Variants in ENDOG observed in about 807,000 individuals in gnomAD.
The protein encoded by ENDOG is endonuclease G, mitochondrial.
Under a neutral mutation model 22.6 loss-of-function variants are expected in ENDOG, and 22 were observed. That is an observed-to-expected ratio of 0.97 (90% CI 0.70 to 1.39). ENDOG has a LOEUF of 1.39. Among genes scored for constraint, ENDOG ranks in the 40% most tolerant of loss-of-function variants. The pLI, the probability that ENDOG is intolerant of heterozygous loss-of-function variation, is 0.00. For synonymous variants in ENDOG, 173 were observed against 200.2 expected (o/e 0.86, Z 1.15); for missense variants, 403 against 431.3 (o/e 0.93, Z 0.58).
At chr9:128,820,491 C>T (rs1288446801) in intron 1 of ENDOG, 1 of 505,052 alleles carries the variant, frequency 2.0e-6, no homozygotes, top group Non-Finnish European at 3.6e-6. Context: ...GCTCTTCCTT[C>T]ATTCGACTCT....
intron 1 of ENDOG, 27 bp from the exon 2 acceptor site, chr9:128,820,712 C>T (rs370039126): frequency 6.3e-7 from 1 of 1,582,414 alleles, no homozygotes; most frequent in South Asian, 1.1e-5. Flanking sequence ...CAGCCACAGT[C>T]CTGCTAAGCC....
intron 2 of ENDOG, 105 bp downstream of exon 2, chr9:128,820,953 C>T (rs1830101379): frequency 2.0e-6 from 2 of 997,048 alleles, no homozygotes; most frequent in South Asian, 1.5e-5. Flanking sequence ...ATACCAGTTC[C>T]CTACTCATCT....
Position 128,819,030 on chromosome 9 carries a change from C to A in ENDOG, c.346C>A (p.Arg116Ser), listed in dbSNP as rs1328754703. The change falls in exon 1 of 3, where the codon CGC becomes AGC. Residue 116 changes from arginine (R) to serine (S), a missense_variant. Physicochemically the swap from Arg to Ser is moderately radical, Grantham distance 110. Transcript: ENST00000372642. ...CGGCGACCGGCGCGAGTGCGACTTC[C>A]GCGAGGACGACTCGGTGCACGCGTA... is the stretch of plus-strand genomic sequence containing the variant. ...GDGDRRECDF[R>S]EDDSVHAYHR... 1 of 1,495,468 alleles carries A rather than the reference C, an allele frequency of 6.7e-7. No homozygotes were observed. The allele number at this position is 1,495,468 out of a possible 1,614,324, so 92.6% of individuals were successfully genotyped here. A position where few individuals can be genotyped will look rare whatever the true frequency, so the allele number is the denominator to read the frequency against.
chr9:128,820,831 G>A lies in ENDOG; in HGVS notation c.594G>A (p.Gly198=). The stretch of plus-strand genomic sequence containing the variant: ...ACCAAAACGTCTATGTCTGCACAGG[G>A]CCACTCTTCCTGCCCAGGTAAGGTG... ...RSYQNVYVCT[G]PLFLPRTEAD... The change falls in exon 2 of 3, where the codon GGG becomes GGA. Residue 198 remains glycine, a synonymous_variant. Transcript: ENST00000372642. The A allele has an allele frequency of 6.2e-7, 1 of 1,610,022 alleles. No individual in the cohort carries two copies. Among genetic ancestry groups the A allele is most frequent in the Middle Eastern group, 1.7e-4 (1 of 6,056 alleles).
chr9:128,819,226 G>A (rs1232693699), intron 1 of ENDOG, 41 bp downstream of exon 1: 2 of 1,422,192 alleles, frequency 1.4e-6, no homozygotes, highest in Non-Finnish European at 9.1e-7. Context: ...ATGCGGGGCC[G>A]GCGCCTGGCC....
chr9:128,821,157 C>T (rs1032880392), intron 2 of ENDOG: 4 of 411,378 alleles, frequency 9.7e-6, no homozygotes, highest in Admixed American at 3.7e-5. Flanking sequence ...ATATGGAACC[C>T]CCCGCAGGTC....
intron 1 of ENDOG, chr9:128,819,689 T>A (rs1830067298): frequency 6.4e-6 from 1 of 155,788 alleles, no homozygotes; most frequent in African/African-American, 2.4e-5. Flanking sequence ...ATTATTACAT[T>A]GTAACATATA....
chr9:128,822,294 C>A (rs770275764), intron 2 of ENDOG, 34 bp from the exon 3 acceptor site: 3 of 1,599,636 alleles, frequency 1.9e-6, no homozygotes, highest in East Asian at 2.2e-5. Flanking sequence ...TTCATCCAGG[C>A]CCCCTGCCCA....
chr9:128,819,015 C>A lies in ENDOG; in HGVS notation c.331C>A (p.Arg111Ser). ...GCGTCTCCGCGGCGACGGCGACCGGCGCGAGTGCGACTTCCGCGAGGACGA... is the reference window on the plus strand; with the variant it reads ...GCGTCTCCGCGGCGACGGCGACCGGAGCGAGTGCGACTTCCGCGAGGACGA... ...PERLRGDGDR[R>S]ECDFREDDSV... The change falls in exon 1 of 3, where the codon CGC becomes AGC. Residue 111 changes from arginine to serine, a missense_variant. Coordinates refer to ENST00000372642, the MANE Select transcript of ENDOG (RefSeq NM_004435.2). The A allele has an allele frequency of 6.7e-7, 1 of 1,488,896 alleles. No homozygotes were observed. The highest frequency in any genetic ancestry group is 8.9e-7 in the Non-Finnish European group (1 of 1,127,298). 92.2% of individuals were successfully genotyped at this position (1,488,896 alleles called of 1,614,324 possible). A position where few individuals can be genotyped will look rare whatever the true frequency, so the allele number is the denominator to read the frequency against.
chr9:128,822,448 C>T lies in ENDOG; in HGVS notation c.732C>T (p.Leu244=), dbSNP rs1346129471. The change falls in exon 3 of 3, where the codon CTC becomes CTT. Residue 244 remains leucine (L), a synonymous_variant. Transcript: ENST00000372642. ...AGGCAGCAGGTGGGCAAATTGAGCT[C>T]CGCACCTACGTGATGCCCAACGCAC... ...ILEAAGGQIE[L]RTYVMPNAPV... The T allele has an allele frequency of 6.3e-7, 1 of 1,588,672 alleles. No individual in the cohort carries two copies. The highest frequency in any genetic ancestry group is 8.6e-7 in the Non-Finnish European group (1 of 1,167,298).
At chr9:128,820,972 G>T (rs1830101740) in intron 2 of ENDOG, 124 bp downstream of exon 2, 2 of 850,074 alleles carry the variant, frequency 2.4e-6, no homozygotes, top group South Asian at 1.6e-5. Flanking sequence ...CTGGTTTCTT[G>T]GCAAGCCTGT....
rs964070825 is a variant in ENDOG at position 128,818,805 on chromosome 9, C to G, written c.121C>G (p.Pro41Ala). The change falls in exon 1 of 3, where the codon CCC becomes GCC. Residue 41 changes from proline (P) to alanine (A), a missense_variant. By Grantham distance (27) the Pro-to-Ala change is conservative (BLOSUM62 -1). Transcript: ENST00000372642. ...RAAPGLLGRL[P>A]VLPVAAAAEL... ...GGCGCCGGGACTGCTGGGCCGGCTG[C>G]CCGTGCTGCCCGTGGCGGCGGCAGC... 4.0e-6 allele frequency: 5 copies of G among 1,258,782 alleles called. No homozygotes were observed. Among genetic ancestry groups the G allele is most frequent in the Non-Finnish European group, 5.0e-6 (5 of 1,002,538 alleles). 78.0% of individuals were successfully genotyped at this position (1,258,782 alleles called of 1,614,324 possible).
intron 1 of ENDOG, among the ~76,000 whole-genome samples, chr9:128,819,394 C>T (rs2997921): frequency 2.6e-5 from 4 of 152,234 alleles, no homozygotes; most frequent in Non-Finnish European, 2.9e-5. Flanking sequence ...ACTGCGAACC[C>T]TGGGCACCTC....
intron 2 of ENDOG, 39 bp downstream of exon 2, chr9:128,820,887 C>T (rs936701993): frequency 6.5e-7 from 1 of 1,546,552 alleles, no homozygotes; most frequent in Non-Finnish European, 8.8e-7. Flanking sequence ...ACCTCCCACT[C>T]ACCTGAGGCC....
rs1830149032 is a variant in ENDOG at position 128,822,661 on chromosome 9, G to A, written c.*51G>A. On this transcript the variant is annotated 3_prime_UTR_variant, in exon 3 of 3. Coordinates refer to ENST00000372642, the MANE Select transcript of ENDOG (RefSeq NM_004435.2). ...TGTGTGCAGGCCGGGGAGTATTAAA[G>A]GTGGTGATTTTTGGAGACAAGTCTG... The A allele has an allele frequency of 1.3e-6, 2 of 1,554,678 alleles. No homozygotes were observed. The highest frequency in any genetic ancestry group is 2.0e-5 in the Admixed American group (1 of 51,096).
At chr9:128,820,505 G>A (rs1424700704) in intron 1 of ENDOG, 5 of 535,668 alleles carry the variant, frequency 9.3e-6, no homozygotes, top group South Asian at 2.5e-5. Context: ...CGACTCTTGG[G>A]AGCTGAGAAA....
intron 2 of ENDOG, 107 bp from the exon 3 acceptor site, chr9:128,822,221 C>T: frequency 1.5e-6 from 2 of 1,376,346 alleles, no homozygotes; most frequent in Non-Finnish European, 2.0e-6. Flanking sequence ...GGGCGTGGTC[C>T]TGCAGGTTGA....
chr9:128,819,085 G>A lies in ENDOG; in HGVS notation c.401G>A (p.Gly134Asp), dbSNP rs1830053648. Reference protein sequence around the residue: ...YHRATNADYRGSGFDRGHLAA... With the variant: ...YHRATNADYRDSGFDRGHLAA... ...CGTGCCACCAACGCCGACTACCGCG[G>A]CAGTGGCTTCGACCGCGGTCACCTG... The change falls in exon 1 of 3, where the codon GGC (glycine) becomes GAC (aspartate). Residue 134 changes from glycine (G) to aspartate (D), a missense_variant. Physicochemically the swap from Gly to Asp is moderately conservative, Grantham distance 94. Transcript: ENST00000372642. 6.6e-7 allele frequency: 1 copy of A among 1,518,172 alleles called. No individual in the cohort carries two copies. The highest frequency in any genetic ancestry group is 8.8e-7 in the Non-Finnish European group (1 of 1,137,960). 94.0% of individuals were successfully genotyped at this position (1,518,172 alleles called of 1,614,324 possible).
At position 128,819,026 on chromosome 9, in the gene ENDOG, CT is replaced by C; in HGVS notation, c.344del (p.Phe115SerfsTer47). The C allele has an allele frequency of 6.7e-7, 1 of 1,493,802 alleles. No homozygotes were observed. Among genetic ancestry groups the C allele is most frequent in the Non-Finnish European group, 8.9e-7 (1 of 1,128,658 alleles). The allele number at this position is 1,493,802 out of a possible 1,614,324, so 92.5% of individuals were successfully genotyped here. On this transcript the variant is annotated frameshift_variant, in exon 1 of 3. Coordinates refer to ENST00000372642, the MANE Select transcript of ENDOG (RefSeq NM_004435.2). LOFTEE classifies it high-confidence loss of function. ...RGDGDRRECD[F>X]REDDSVHAYH... ...GCGACGGCGACCGGCGCGAGTGCGA[CT>C]TCCGCGAGGACGACTCGGTGCACGC...
Sources: gnomAD v4.1 joint callset for allele counts (sites outside exome capture counted in the v4.1 genomes callset) on GRCh38, gnomAD v4.1.1 for gene constraint, MANE v1.5 for transcripts, NCBI Gene and HGNC (gene_info 2026-07-23, HGNC 2026-07-21) for gene names.